The following LRP1B variants were observed in gnomAD, a reference collection of about 807,000 sequenced individuals.
The protein encoded by LRP1B is low-density lipoprotein receptor-related protein 1B.
Under a neutral mutation model 556.6 loss-of-function variants are expected in LRP1B, and 217 were observed. That is an observed-to-expected ratio of 0.39 (90% CI 0.35 to 0.44). The LOEUF is 0.44. Among genes scored for constraint, LRP1B ranks in the 20% least tolerant of loss-of-function variants. The pLI, the probability that LRP1B is intolerant of heterozygous loss-of-function variation, is 1.00. For missense variants in LRP1B, 5,053 were observed against 5,620.8 expected (o/e 0.90, Z 3.23); for synonymous variants, 2,047 against 1,865.8 (o/e 1.10, Z -2.50).
intron 2 of LRP1B, among the ~76,000 whole-genome samples, chr2:141,545,748 C>T (rs753386455): frequency 3.9e-5 from 6 of 151,946 alleles, no homozygotes; most frequent in South Asian, 2.1e-4. Flanking sequence ...GACATGGCAA[C>T]GGAAGAATTT....
rs115540122 is a variant in LRP1B at position 140,954,313 on chromosome 2, T to A, written c.2888-2373A>T. Among the ~76,000 whole-genome samples the A allele has an allele frequency of 3.7e-3, 568 of 152,218 alleles. 3 individuals carry two copies. The highest frequency in any genetic ancestry group is 0.013 in the African/African-American group (531 of 41,544). ...AGAATCAAGGCATTTAAACAGAGAA[T>A]CAACTCAAGTTTTGGTTCAAATGAG... On this transcript the variant is annotated intron_variant, in intron 18 of 90. Transcript: ENST00000389484.
chr2:141,242,190 A>G (rs1282346795), intron 5 of LRP1B, among the ~76,000 whole-genome samples: 1 of 152,112 alleles, frequency 6.6e-6, no homozygotes, highest in African/African-American at 2.4e-5. Flanking sequence ...AGGTGATACT[A>G]TGTGGCAGAG....
chr2:141,202,444 G>T (rs1682073231), intron 6 of LRP1B, among the ~76,000 whole-genome samples: 1 of 152,168 alleles, frequency 6.6e-6, no homozygotes, highest in South Asian at 2.1e-4. Flanking sequence ...TAACGGGATT[G>T]CTGGGTCGAA....
intron 7 of LRP1B, among the ~76,000 whole-genome samples, chr2:141,138,367 AGG>A (rs1701542006): frequency 6.6e-6 from 1 of 151,984 alleles, no homozygotes; most frequent in Non-Finnish European, 1.5e-5. Context: ...AAGACAAGAC[AGG>A]GATCTGCTCT....
At chr2:140,853,104 T>G (rs1053572545) in intron 27 of LRP1B, among the ~76,000 whole-genome samples, 1 of 152,030 alleles carries the variant, frequency 6.6e-6, no homozygotes, top group Non-Finnish European at 1.5e-5. Context: ...CAGGAAGGTC[T>G]CTGTGACCTT....
At chr2:141,105,013 T>C (rs1700569334) in intron 7 of LRP1B, among the ~76,000 whole-genome samples, 3 of 152,088 alleles carry the variant, frequency 2.0e-5, no homozygotes, top group African/African-American at 7.2e-5. Flanking sequence ...CATAAGGCTC[T>C]TATAATAAAT....
At chr2:140,481,928 C>T (rs6739042) in intron 59 of LRP1B, among the ~76,000 whole-genome samples, 1,724 of 152,132 alleles carry the variant, frequency 0.011, 40 homozygotes, top group African/African-American at 0.04. Context: ...CTAGAGAGAC[C>T]GTTCTTTTTG....
At chr2:140,819,367 CA>C (rs1374926391) in intron 31 of LRP1B, among the ~76,000 whole-genome samples, 3 of 151,956 alleles carry the variant, frequency 2.0e-5, no homozygotes, top group African/African-American at 7.3e-5. Flanking sequence ...ACAAGCACAT[CA>C]AAATTAGAAA....
chr2:140,264,615 C>T (rs1240602451), intron 86 of LRP1B, among the ~76,000 whole-genome samples: 2 of 151,788 alleles, frequency 1.3e-5, no homozygotes, highest in African/African-American at 4.8e-5. Flanking sequence ...TTCCAAGATA[C>T]TGGGTATCAG....
intron 2 of LRP1B, among the ~76,000 whole-genome samples, chr2:141,492,078 T>TAAAAAAAAAAAAAAAAAA: frequency 7.8e-4 from 1 of 1,288 alleles, no homozygotes; most frequent in African/African-American, 9.6e-4. Flanking sequence ...TTTAGCTTTC[T>TAAAAAAAAAAAAAAAAAA]GAAAAAAAAA....
intron 85 of LRP1B, among the ~76,000 whole-genome samples, chr2:140,273,014 A>G (rs1422788254): frequency 6.6e-6 from 1 of 151,950 alleles, no homozygotes; most frequent in Non-Finnish European, 1.5e-5. Flanking sequence ...AGCAAGCGAT[A>G]CTGAGGGACC....
intron 1 of LRP1B, among the ~76,000 whole-genome samples, chr2:141,821,346 T>C (rs1040015715): frequency 6.6e-6 from 1 of 152,176 alleles, no homozygotes; most frequent in Non-Finnish European, 1.5e-5. Context: ...GAAACAAGCA[T>C]GTTGCAAGCT....
At chr2:141,574,679 CAT>C (rs1220129685) in intron 2 of LRP1B, among the ~76,000 whole-genome samples, 4 of 152,052 alleles carry the variant, frequency 2.6e-5, no homozygotes, top group Non-Finnish European at 5.9e-5. Flanking sequence ...TCTGTTTCCA[CAT>C]GACATTATTT....
At chr2:140,594,269 C>T (rs1312604499) in intron 43 of LRP1B, among the ~76,000 whole-genome samples, 1 of 152,034 alleles carries the variant, frequency 6.6e-6, no homozygotes, top group African/African-American at 2.4e-5. Context: ...CGCGCCTGGC[C>T]CATGTTAAAA....
chr2:140,950,187 T>C (rs199949440), intron 20 of LRP1B, 48 bp downstream of exon 20: 18 of 1,334,294 alleles, frequency 1.3e-5, no homozygotes, highest in South Asian at 1.5e-5. Context: ...AGTATTATTA[T>C]GCATCAACTT....
intron 63 of LRP1B, among the ~76,000 whole-genome samples, chr2:140,448,260 T>C (rs564151427): frequency 2.6e-4 from 40 of 152,232 alleles, no homozygotes; most frequent in African/African-American, 9.4e-4. Flanking sequence ...TATGCCTGTA[T>C]ATCCAAAGGA....
intron 1 of LRP1B, among the ~76,000 whole-genome samples, chr2:141,978,748 T>C (rs1301559559): frequency 1.3e-5 from 2 of 152,016 alleles, no homozygotes; most frequent in East Asian, 1.9e-4. Context: ...AACATCATCA[T>C]TTTTTTCTTA....
rs556643461 is a variant in LRP1B, at chr2:140,243,105, A to G, written c.13325-3573T>C. Among the ~76,000 whole-genome samples, 4 of 151,148 alleles carry G rather than the reference A, an allele frequency of 2.6e-5. No homozygotes were observed. The South Asian group carries it at 8.3e-4, about 31-fold the overall frequency. ...AAATGACTGTGGATAGGGGGCAGTG[A>G]TGAGATCATTTGGGAACTGAGCTTG... On this transcript the variant is annotated intron_variant, in intron 87 of 90. Coordinates refer to ENST00000389484, the MANE Select transcript of LRP1B (RefSeq NM_018557.3).
chr2:140,259,875 G>T (rs1333641697), intron 86 of LRP1B, among the ~76,000 whole-genome samples: 2 of 151,760 alleles, frequency 1.3e-5, no homozygotes, highest in African/African-American at 4.8e-5. Context: ...CATGAAATAT[G>T]GAATATCATA....
Sources: gnomAD v4.1 joint callset for allele counts (sites outside exome capture counted in the v4.1 genomes callset) on GRCh38, gnomAD v4.1.1 for gene constraint, MANE v1.5 for transcripts, NCBI Gene and HGNC (gene_info 2026-07-23, HGNC 2026-07-21) for gene names.